ZFHX3: variants seen among roughly 807,000 people sequenced by gnomAD.
The protein encoded by ZFHX3 is zinc finger homeobox protein 3.
In ZFHX3, 42 loss-of-function variants were observed where a neutral mutation model predicts 279.1. That is an observed-to-expected ratio of 0.15 (90% confidence interval 0.12 to 0.19). The LOEUF is 0.19. Ranked by LOEUF, ZFHX3 falls within the 10% of genes least tolerant of loss-of-function variation. The pLI is 1.00. For missense variants in ZFHX3, 4,981 were observed against 4,754.0 expected, an observed-to-expected ratio of 1.05 and a Z score of -1.40; for synonymous variants, 2,293 against 1,957.8, an observed-to-expected ratio of 1.17 and a Z score of -4.52.
chr16:73,777,608 C>G (rs1959301692), intron 1 of ZFHX3, among the ~76,000 whole-genome samples: 1 of 151,458 alleles, frequency 6.6e-6, no homozygotes, highest in South Asian at 2.1e-4. Context: ...TGACACTGTC[C>G]CCAAATCTTT....
chr16:73,513,402 T>A (rs375026200), intron 2 of ZFHX3, among the ~76,000 whole-genome samples: 1 of 152,170 alleles, frequency 6.6e-6, no homozygotes, highest in African/African-American at 2.4e-5. Context: ...GTTGACTGAA[T>A]CTGTTGCACT....
chr16:73,201,603 T>C (rs1968269200), intron 5 of ZFHX3, among the ~76,000 whole-genome samples: 2 of 152,232 alleles, frequency 1.3e-5, no homozygotes, highest in Non-Finnish European at 2.9e-5. Flanking sequence ...TTGTTGTCCA[T>C]GTGAGAGGAA....
chr16:73,727,448 A>G (rs1013324506), intron 1 of ZFHX3, among the ~76,000 whole-genome samples: 1 of 152,210 alleles, frequency 6.6e-6, no homozygotes, highest in Non-Finnish European at 1.5e-5. Flanking sequence ...CATCTACCCT[A>G]AACAGAATGA....
intron 5 of ZFHX3, among the ~76,000 whole-genome samples, chr16:73,251,687 C>CCA (rs1219746576): frequency 2.0e-5 from 3 of 149,528 alleles, no homozygotes; most frequent in African/African-American, 4.9e-5. Context: ...CACATACACA[C>CCA]CACACACACA....
intron 2 of ZFHX3, among the ~76,000 whole-genome samples, chr16:73,675,305 A>G (rs1438532734): frequency 6.6e-6 from 1 of 152,110 alleles, no homozygotes; most frequent in African/African-American, 2.4e-5. Flanking sequence ...CTTCAGTTTT[A>G]TGGTTAATTA....
chr16:72,837,127 T>TG (rs1429684737), intron 4 of ZFHX3, among the ~76,000 whole-genome samples: 1 of 152,152 alleles, frequency 6.6e-6, no homozygotes, highest in Non-Finnish European at 1.5e-5. Flanking sequence ...GGACAGAGTG[T>TG]GGGAAAAACA....
At chr16:72,833,622 C>G (rs1597289280) in intron 4 of ZFHX3, among the ~76,000 whole-genome samples, 1 of 152,206 alleles carries the variant, frequency 6.6e-6, no homozygotes, top group African/African-American at 2.4e-5. Context: ...CCAATCCCAA[C>G]CAGAGCACAC....
chr16:73,152,892 C>G (rs911917034), intron 5 of ZFHX3, among the ~76,000 whole-genome samples: 1 of 151,860 alleles, frequency 6.6e-6, no homozygotes, highest in Non-Finnish European at 1.5e-5. Context: ...CCCTTCTAAT[C>G]GCTGCAGCTC....
chr16:73,427,506 A>G (rs1333318310), intron 3 of ZFHX3, among the ~76,000 whole-genome samples: 1 of 152,092 alleles, frequency 6.6e-6, no homozygotes, highest in Non-Finnish European at 1.5e-5. Context: ...CCAGCTTGCA[A>G]AAGGCCATGC....
chr16:73,097,507 T>C (rs1966180005), intron 7 of ZFHX3, among the ~76,000 whole-genome samples: 1 of 152,246 alleles, frequency 6.6e-6, no homozygotes. Context: ...AGGTTTTACC[T>C]GGATTTATAT....
chr16:73,390,627 G>C (rs184910117), intron 3 of ZFHX3, among the ~76,000 whole-genome samples: 1 of 152,314 alleles, frequency 6.6e-6, no homozygotes, highest in Admixed American at 6.5e-5. Flanking sequence ...AGTATGTGTT[G>C]TTGCTGCTGG....
intron 1 of ZFHX3, among the ~76,000 whole-genome samples, chr16:73,739,037 C>T (rs1009257792): frequency 4.6e-5 from 7 of 152,216 alleles, no homozygotes; most frequent in South Asian, 2.1e-4. Context: ...CATCTCCTTC[C>T]TCTGTCCCTC....
chr16:73,326,348 T>C (rs1186342125), intron 3 of ZFHX3, among the ~76,000 whole-genome samples: 2 of 152,164 alleles, frequency 1.3e-5, no homozygotes, highest in Admixed American at 1.3e-4. Flanking sequence ...TCAACAGCAG[T>C]AAGTTCAGAA....
chr16:73,490,863 G>A lies in ZFHX3; in HGVS notation c.-1546-34605C>T, dbSNP rs756236894. On this transcript the variant is annotated intron_variant, in intron 2 of 17. Coordinates refer to the ZFHX3 transcript ENST00000641206. ...CAAAATATAAATAAAATAAAACACC[G>A]CCTCTCCAATGAAACTAAGAAACTG... 5.6e-4 allele frequency among the ~76,000 whole-genome samples: 85 copies of A among 151,950 alleles called. 1 individual carries two copies. Among genetic ancestry groups the A allele is most frequent in the Non-Finnish European group, 1.8e-4 (12 of 67,964 alleles).
chr16:73,868,388 G>C (rs944079297), intron 1 of ZFHX3, among the ~76,000 whole-genome samples: 1 of 152,232 alleles, frequency 6.6e-6, no homozygotes, highest in African/African-American at 2.4e-5. Context: ...GCCGGGCCTG[G>C]TGGCATGTGC....
intron 1 of ZFHX3, among the ~76,000 whole-genome samples, chr16:73,019,391 C>T (rs1166582939): frequency 4.0e-5 from 6 of 151,880 alleles, no homozygotes; most frequent in African/African-American, 9.7e-5. Context: ...CGTGTCTGCA[C>T]GCGCACCTGA....
At chr16:73,414,653 T>C (rs1354973742) in intron 3 of ZFHX3, among the ~76,000 whole-genome samples, 1 of 152,110 alleles carries the variant, frequency 6.6e-6, no homozygotes, top group Non-Finnish European at 1.5e-5. Context: ...CTGAGCAACA[T>C]AGGGAGACCC....
intron 2 of ZFHX3, among the ~76,000 whole-genome samples, chr16:73,509,672 C>A (rs1368441486): frequency 2.7e-5 from 4 of 148,412 alleles, no homozygotes; most frequent in Admixed American, 1.3e-4. Context: ...TTATAGGCGC[C>A]CACCACCATG....
intron 7 of ZFHX3, among the ~76,000 whole-genome samples, chr16:73,116,423 G>C (rs1283813515): frequency 6.6e-6 from 1 of 152,204 alleles, no homozygotes; most frequent in Non-Finnish European, 1.5e-5. Flanking sequence ...CCAGAAATGT[G>C]TAACAAACAC....
Sources: gnomAD v4.1 joint callset for allele counts (sites outside exome capture counted in the v4.1 genomes callset) on GRCh38, gnomAD v4.1.1 for gene constraint, MANE v1.5 for transcripts, NCBI Gene and HGNC (gene_info 2026-07-23, HGNC 2026-07-21) for gene names.